ACOT11: variants seen among roughly 807,000 people sequenced by gnomAD.
ACOT11 encodes the protein acyl-CoA thioesterase 11.
ACOT11 carries 69 observed loss-of-function variants against 77.5 expected under a neutral mutation model. The observed-to-expected ratio is 0.89, with a 90% CI of 0.73 to 1.09. The LOEUF (loss-of-function observed/expected upper bound fraction) is 1.09, where lower values mean the gene tolerates loss of function less well. ACOT11 is among the 50% of genes least tolerant of loss of function. The pLI is 0.00. For synonymous variants in ACOT11, 279 were observed against 313.0 expected (o/e 0.89, Z 1.15); for missense variants, 766 against 813.7 (o/e 0.94, Z 0.71).
intron 1 of ACOT11, among the ~76,000 whole-genome samples, chr1:54,575,920 T>C (rs924012063): frequency 6.6e-6 from 1 of 152,134 alleles, no homozygotes; most frequent in African/African-American, 2.4e-5. Context: ...TGGTGCTATA[T>C]AGGACCACAA....
At position 54,609,180 on chromosome 1, in the gene ACOT11, C is replaced by G; in HGVS notation, c.*68C>G. The G allele has an allele frequency of 1.2e-6, 2 of 1,604,766 alleles. No homozygotes were observed. Among genetic ancestry groups the G allele is most frequent in the Non-Finnish European group, 8.5e-7 (1 of 1,174,960 alleles). ...GTCCCCAAGGACTCACATACAGTGCCTGGAGAAAGCCAAAGACCTTTATTT... is the reference window on the plus strand; with the variant it reads ...GTCCCCAAGGACTCACATACAGTGCGTGGAGAAAGCCAAAGACCTTTATTT... On this transcript the variant is annotated 3_prime_UTR_variant, in exon 16 of 16. Coordinates refer to ENST00000343744, the MANE Select transcript of ACOT11 (RefSeq NM_147161.4).
At position 54,607,679 on chromosome 1, in the gene ACOT11, G is replaced by A. The variant is rs964762779; in HGVS notation, c.1503-263G>A. On this transcript the variant is annotated intron_variant, in intron 14 of 15. Coordinates refer to ENST00000343744, the MANE Select transcript of ACOT11 (RefSeq NM_147161.4). This position sits in a 1 kb window ranked among gnomAD's most constrained non-coding sequence, Gnocchi z 4.5. ...AAAGCCCACGAGTCTTCCCCTGAGC[G>A]TTGAAGTGGAGTGGCTTTTCCAGAA... 1.3e-5 allele frequency among the ~76,000 whole-genome samples: 2 copies of A among 152,134 alleles called. No homozygotes were observed. Among genetic ancestry groups the A allele is most frequent in the Admixed American group, 1.3e-4 (2 of 15,278 alleles).
At chr1:54,594,933 G>T (rs987730360) in intron 6 of ACOT11, among the ~76,000 whole-genome samples, 11 of 152,242 alleles carry the variant, frequency 7.2e-5, no homozygotes, top group African/African-American at 2.4e-4. Flanking sequence ...AAATCCCTTT[G>T]TTGGCCACAA....
intron 3 of ACOT11, among the ~76,000 whole-genome samples, chr1:54,589,378 CT>C (rs1654625900): frequency 7.0e-6 from 1 of 143,098 alleles, no homozygotes; most frequent in Non-Finnish European, 1.5e-5. Flanking sequence ...ATTACCACAT[CT>C]AAAAAATTAA....
rs768894868 is a variant in ACOT11 at position 54,603,935 on chromosome 1, C to T, written c.1150C>T (p.Gln384Ter). The T allele has an allele frequency of 8.7e-6, 14 of 1,613,848 alleles. No individual in the cohort carries two copies. Among genetic ancestry groups the T allele is most frequent in the Admixed American group, 3.3e-5 (2 of 59,990 alleles). ...PLSVPWDPSN[Q>*]VYLSYNNVSS... ...CTCCGTCCCCTGGGACCCTAGCAAC[C>T]AGGTAAGGCTCTCTGCTCCGAGAGG... Residue 384 changes from glutamine (Q) to a stop codon, truncating the protein, a stop_gained and splice_region_variant, in exon 11 of 16, where the codon CAG (glutamine) becomes TAG (stop). Transcript: ENST00000343744. LOFTEE classifies it high-confidence loss of function.
intron 15 of ACOT11, among the ~76,000 whole-genome samples, chr1:54,626,219 G>A (rs892447879): frequency 6.6e-6 from 1 of 151,856 alleles, no homozygotes; most frequent in African/African-American, 2.4e-5. Flanking sequence ...GCAGTGAGCC[G>A]AGATTGCACC....
At chr1:54,624,404 C>G (rs78852142) in intron 15 of ACOT11, among the ~76,000 whole-genome samples, 4,040 of 152,156 alleles carry the variant, frequency 0.027, 172 homozygotes, top group African/African-American at 0.093. Context: ...GGTCATGGGG[C>G]TTGTCGTGGG....
chr1:54,619,622 G>A (rs1396585338), intron 15 of ACOT11, among the ~76,000 whole-genome samples: 1 of 152,172 alleles, frequency 6.6e-6, no homozygotes, highest in Non-Finnish European at 1.5e-5. Context: ...GTAGCTGGGA[G>A]GGAGGACAGT....
At chr1:54,619,918 C>A (rs1443785696) in intron 15 of ACOT11, 8 of 1,614,060 alleles carry the variant, frequency 5.0e-6, no homozygotes, top group Non-Finnish European at 6.8e-6. Context: ...TACCAGGTGA[C>A]CTCCAAGGCA....
At chr1:54,614,690 G>C, downstream of ACOT11, 2 of 1,606,570 alleles carry the variant, frequency 1.2e-6, no homozygotes. Context: ...ACAGAGAGGC[G>C]AACACTCACT....
chr1:54,625,952 AAGAAAGAAAGAAAAAAAGAAAAG>A (rs1388466274), intron 15 of ACOT11, among the ~76,000 whole-genome samples: 1,580 of 147,160 alleles, frequency 0.011, 11 homozygotes, highest in South Asian at 0.027. Flanking sequence ...AAAAAAAAAA[AAGAAAGAAAGAAAAAAAGAAAAG>A]AAAAGGCCAG....
intron 15 of ACOT11, chr1:54,619,929 T>C: frequency 6.2e-7 from 1 of 1,614,166 alleles, no homozygotes. Flanking sequence ...CTCCAAGGCA[T>C]CTCGCCGGCT....
downstream of ACOT11, among the ~76,000 whole-genome samples, chr1:54,613,868 C>T (rs942179398): frequency 6.6e-6 from 1 of 152,088 alleles, no homozygotes. Context: ...GGGAAAGAGC[C>T]TGGAGCTTAG....
At position 54,601,991 on chromosome 1, in the gene ACOT11, C is replaced by T. The variant is rs532663017; in HGVS notation, c.1029+578C>T. On this transcript the variant is annotated intron_variant, in intron 9 of 15. Transcript: ENST00000343744. ...CCAGGCCTTGGAGAGGCCGCTCCCT[C>T]CCTTGGGGGAGGTCCCCTGGCCTTC... Among the ~76,000 whole-genome samples, 8 of 152,378 alleles carry T rather than the reference C, an allele frequency of 5.3e-5. 1 individual carries two copies. Among genetic ancestry groups the T allele is most frequent in the Admixed American group, 5.2e-4 (8 of 15,312 alleles).
intron 15 of ACOT11, chr1:54,623,176 TAA>T (rs113750458): frequency 3.5e-3 from 2,275 of 643,188 alleles, no homozygotes; most frequent in South Asian, 5.0e-3. Context: ...AAACTCCGTC[TAA>T]AAAAAAAAAA....
chr1:54,571,512 TG>T (rs1653931089), intron 1 of ACOT11, among the ~76,000 whole-genome samples: 1 of 152,172 alleles, frequency 6.6e-6, no homozygotes, highest in Admixed American at 6.5e-5. Context: ...GAGACTAGAT[TG>T]TGCTCAGCTC....
chr1:54,557,445 A>G (rs1653300913), intron 1 of ACOT11, among the ~76,000 whole-genome samples: 1 of 151,322 alleles, frequency 6.6e-6, no homozygotes, highest in Admixed American at 6.6e-5. Context: ...CCTTGTGTGC[A>G]CTGAAAAAAA....
chr1:54,597,555 G>A lies in ACOT11; in HGVS notation c.764+140G>A. 2.7e-6 allele frequency: 3 copies of A among 1,101,482 alleles called. No individual in the cohort carries two copies. The South Asian group carries it at 5.0e-5, about 18-fold the overall frequency. The allele number at this position is 1,101,482 out of a possible 1,614,324, so 68.2% of individuals were successfully genotyped here. On this transcript the variant is annotated intron_variant, in intron 7 of 15. Transcript: ENST00000343744. ...CTTGGCTGTTCTGAATCAGAGAAATGAATTTTTGTGAACTGACCATTCCTT... is the reference window on the plus strand; with the variant it reads ...CTTGGCTGTTCTGAATCAGAGAAATAAATTTTTGTGAACTGACCATTCCTT...
At chr1:54,591,648 C>G (rs902378545) in intron 3 of ACOT11, among the ~76,000 whole-genome samples, 4 of 152,244 alleles carry the variant, frequency 2.6e-5, no homozygotes, top group Non-Finnish European at 5.9e-5. Context: ...AGTCCATCAG[C>G]TGGGCACCCT....
Sources: allele counts gnomAD v4.1 joint callset (sites outside exome capture counted in the v4.1 genomes callset), GRCh38; gene constraint gnomAD v4.1.1; non-coding constraint Gnocchi (gnomAD v3.1); transcripts MANE v1.5; gene names NCBI Gene and HGNC (gene_info 2026-07-23, HGNC 2026-07-21).